Variants in PPP4R3A observed in about 807,000 individuals in gnomAD.
The protein encoded by PPP4R3A is serine/threonine-protein phosphatase 4 regulatory subunit 3A.
In PPP4R3A, 15 loss-of-function variants were observed where a neutral mutation model predicts 91.7. That is an observed-to-expected ratio of 0.16 (90% CI 0.11 to 0.25). PPP4R3A has a LOEUF of 0.25. PPP4R3A is among the 10% of genes least tolerant of loss of function. The probability of loss-of-function intolerance (pLI) is 1.00; values close to 1 mark genes in which losing one functional copy is unlikely to be tolerated. For synonymous variants in PPP4R3A, 377 were observed against 348.7 expected (o/e 1.08, Z -0.91); for missense variants, 623 against 998.4 (o/e 0.62, Z 5.07).
At chr14:91,469,515 G>A (rs1012475758) in intron 10 of PPP4R3A, among the ~76,000 whole-genome samples, 2 of 152,148 alleles carry the variant, frequency 1.3e-5, no homozygotes, top group African/African-American at 4.8e-5. Context: ...GCCCTGATAG[G>A]AAGTTTAATG....
chr14:91,472,065 C>CAA (rs549919322), intron 9 of PPP4R3A, among the ~76,000 whole-genome samples: 27,570 of 69,542 alleles, frequency 0.4, 3,806 homozygotes, highest in Non-Finnish European at 0.43. Flanking sequence ...ATTCTGTCTC[C>CAA]AAAAAAAAAA....
In PPP4R3A at chr14:91,458,752, G is replaced by A; in HGVS notation, c.*7C>T. 1 of 1,614,054 alleles carries A rather than the reference G, an allele frequency of 6.2e-7. No individual in the cohort carries two copies. The highest frequency in any genetic ancestry group is 8.5e-7 in the Non-Finnish European group (1 of 1,179,988). The stretch of plus-strand genomic sequence containing the variant: ...CAACAGGTACTGATCCTAGGCCGTT[G>A]CCATTATTATGAATCAAATTTTGCT... On this transcript the variant is annotated 3_prime_UTR_variant, in exon 15 of 15. Coordinates refer to ENST00000554943, the MANE Select transcript of PPP4R3A (RefSeq NM_001366432.2).
At chr14:91,468,625 A>G (rs12590726) in intron 10 of PPP4R3A, among the ~76,000 whole-genome samples, 69,114 of 137,928 alleles carry the variant, frequency 0.5, 17,231 homozygotes, top group Admixed American at 0.56. Flanking sequence ...CCGAGATCGT[A>G]CCACTGCACT....
intron 9 of PPP4R3A, 49 bp downstream of exon 9, chr14:91,472,984 T>C: frequency 1.3e-6 from 2 of 1,558,728 alleles, no homozygotes; most frequent in Admixed American, 1.8e-5. Flanking sequence ...CAACTTTGAA[T>C]TCAGCATTCA....
chr14:91,468,667 C>CAAAAAAAAAAAAAAAAAAAA (rs766250846), intron 10 of PPP4R3A, among the ~76,000 whole-genome samples: 6 of 45,040 alleles, frequency 1.3e-4, no homozygotes, highest in South Asian at 3.5e-3. Context: ...GACTCCGTCT[C>CAAAAAAAAAAAAAAAAAAAA]AAAAAAAAAA....
intron 10 of PPP4R3A, among the ~76,000 whole-genome samples, chr14:91,468,459 C>A (rs1247326898): frequency 1.3e-5 from 2 of 151,950 alleles, no homozygotes; most frequent in African/African-American, 4.8e-5. Context: ...ATCACGAGGT[C>A]AAGAATTTGA....
At chr14:91,495,028 T>C (rs117281540) in intron 1 of PPP4R3A, among the ~76,000 whole-genome samples, 1 of 152,186 alleles carries the variant, frequency 6.6e-6, no homozygotes, top group East Asian at 1.9e-4. Context: ...TTTGGAAAAG[T>C]TTGGCAGTTC....
chr14:91,507,367 C>CATATAGTATA (rs1891377745), intron 1 of PPP4R3A, among the ~76,000 whole-genome samples: 1 of 62,342 alleles, frequency 1.6e-5, no homozygotes, highest in East Asian at 3.6e-4. Flanking sequence ...AGTATATATA[C>CATATAGTATA]TATAATTATA....
At chr14:91,461,029 C>A (rs1402566154) in intron 14 of PPP4R3A, among the ~76,000 whole-genome samples, 3 of 152,176 alleles carry the variant, frequency 2.0e-5, no homozygotes, top group African/African-American at 7.2e-5. Flanking sequence ...ATTATCATTT[C>A]CCCACAAAGG....
chr14:91,503,994 A>G (rs1891121376), intron 1 of PPP4R3A, among the ~76,000 whole-genome samples: 1 of 152,082 alleles, frequency 6.6e-6, no homozygotes, highest in Non-Finnish European at 1.5e-5. Flanking sequence ...TTAGGCGGCC[A>G]AGTGGGAAAG....
At chr14:91,486,564 C>T (rs534421147) in intron 2 of PPP4R3A, among the ~76,000 whole-genome samples, 3 of 152,322 alleles carry the variant, frequency 2.0e-5, no homozygotes, top group East Asian at 3.9e-4. Flanking sequence ...ACAATACTTA[C>T]TGAGACCATT....
In PPP4R3A at chr14:91,509,928, T is replaced by G. The variant is rs906363447; in HGVS notation, c.-281A>C. The G allele has an allele frequency of 9.7e-7, 1 of 1,035,780 alleles. No individual in the cohort carries two copies. The highest frequency in any genetic ancestry group is 1.2e-6 in the Non-Finnish European group (1 of 863,840). The allele number at this position is 1,035,780 out of a possible 1,614,324, so 64.2% of individuals were successfully genotyped here. A position where few individuals can be genotyped will look rare whatever the true frequency, so the allele number is the denominator to read the frequency against. On this transcript the variant is annotated 5_prime_UTR_variant, in exon 1 of 15. Coordinates refer to ENST00000554943, the MANE Select transcript of PPP4R3A (RefSeq NM_001366432.2). ...CCCGAGGGGGCCGCGCAGCGCTTCG[T>G]AGCCTCCCGCCCCGCAGCGCTAGGA...
At chr14:91,482,707 A>G (rs892018789) in intron 3 of PPP4R3A, among the ~76,000 whole-genome samples, 3 of 152,226 alleles carry the variant, frequency 2.0e-5, no homozygotes, top group Non-Finnish European at 4.4e-5. Context: ...ATATAATTAT[A>G]AGCAAAAAGG....
chr14:91,461,562 G>A lies in PPP4R3A; in HGVS notation c.2210C>T (p.Ser737Phe). The A allele has an allele frequency of 6.2e-7, 1 of 1,614,098 alleles. No homozygotes were observed. The highest frequency in any genetic ancestry group is 8.5e-7 in the Non-Finnish European group (1 of 1,180,012). The part of the protein sequence containing the change: ...EKEVLLKTNL[S>F]GRQSPSFKLS... ...CTTGAAACTTGGGCTCTGCCGTCCA[G>A]AAAGGTTTGTTTTCAGAAGCACTTC... is the stretch of plus-strand genomic sequence containing the variant. Residue 737 changes from serine to phenylalanine, a missense_variant, in exon 14 of 15, where the codon TCT becomes TTT. Coordinates refer to ENST00000554943, the MANE Select transcript of PPP4R3A (RefSeq NM_001366432.2).
intron 1 of PPP4R3A, among the ~76,000 whole-genome samples, chr14:91,504,622 A>G (rs953014647): frequency 6.6e-6 from 1 of 152,124 alleles, no homozygotes; most frequent in Non-Finnish European, 1.5e-5. Flanking sequence ...AAAAGAAAAC[A>G]AAAAACAAAA....
intron 9 of PPP4R3A, 121 bp from the exon 10 acceptor site, chr14:91,471,116 GGGAGGA>G: frequency 4.4e-6 from 4 of 910,616 alleles, no homozygotes; most frequent in Non-Finnish European, 6.3e-6. Context: ...ATTAACTTTA[GGGAGGA>G]GGAAATTAGC....
intron 1 of PPP4R3A, among the ~76,000 whole-genome samples, chr14:91,495,266 A>C (rs1890467823): frequency 7.1e-6 from 1 of 140,802 alleles, no homozygotes; most frequent in Non-Finnish European, 1.6e-5. Context: ...GAAATTAAAG[A>C]AGCCCATCAT....
intron 10 of PPP4R3A, among the ~76,000 whole-genome samples, chr14:91,469,863 CATTT>C (rs1211432055): frequency 6.6e-6 from 1 of 151,386 alleles, no homozygotes; most frequent in African/African-American, 2.4e-5. Context: ...TGCACCTGGC[CATTT>C]ATTTATTTAT....
chr14:91,477,734 C>T (rs1178800462), intron 4 of PPP4R3A, among the ~76,000 whole-genome samples: 26 of 152,164 alleles, frequency 1.7e-4, no homozygotes, highest in Admixed American at 1.6e-3. Context: ...CTGCAACCTC[C>T]GCCTCCCAGG....
Sources: allele counts gnomAD v4.1 joint callset (sites outside exome capture counted in the v4.1 genomes callset), GRCh38; gene constraint gnomAD v4.1.1; transcripts MANE v1.5; gene names NCBI Gene and HGNC (gene_info 2026-07-23, HGNC 2026-07-21).